The following SLC35F4 variants were observed in gnomAD, a reference collection of about 807,000 sequenced individuals.
SLC35F4 encodes the protein chromosome 14 open reading frame 36.
A neutral mutation model predicts 44.2 loss-of-function variants in SLC35F4; 24 were observed. The ratio of observed to expected loss-of-function variants is 0.54; its 90% CI spans 0.39 to 0.76. The LOEUF is 0.76. Among genes scored for constraint, SLC35F4 ranks in the 30% least tolerant of loss-of-function variants. The pLI, the probability that SLC35F4 is intolerant of heterozygous loss-of-function variation, is 0.00. For missense variants in SLC35F4, 562 were observed against 586.1 expected (o/e 0.96, Z 0.42); for synonymous variants, 238 against 223.6 (o/e 1.06, Z -0.57).
At chr14:57,772,432 T>C (rs915256364) in intron 1 of SLC35F4, among the ~76,000 whole-genome samples, 20 of 152,184 alleles carry the variant, frequency 1.3e-4, no homozygotes, top group Non-Finnish European at 2.4e-4. Flanking sequence ...ATGGGTATAT[T>C]GCATACTGGT....
intron 1 of SLC35F4, among the ~76,000 whole-genome samples, chr14:57,877,851 A>T (rs978634960): frequency 4.0e-5 from 6 of 151,168 alleles, no homozygotes; most frequent in Non-Finnish European, 8.9e-5. Flanking sequence ...TACCTGGCTA[A>T]TTTTTGTATT....
intron 1 of SLC35F4, among the ~76,000 whole-genome samples, chr14:57,724,790 A>G (rs761950476): frequency 1.3e-5 from 2 of 152,200 alleles, no homozygotes; most frequent in African/African-American, 2.4e-5. Flanking sequence ...CTGCAGCACT[A>G]CAGCCCCTTT....
intron 1 of SLC35F4, among the ~76,000 whole-genome samples, chr14:57,691,994 T>C (rs530851847): frequency 6.6e-6 from 1 of 152,242 alleles, no homozygotes; most frequent in South Asian, 2.1e-4. Context: ...GAGAATATAG[T>C]CTGATAGAAA....
At chr14:57,645,571 G>A (rs2073468266) in intron 1 of SLC35F4, among the ~76,000 whole-genome samples, 4 of 151,674 alleles carry the variant, frequency 2.6e-5, no homozygotes, top group Non-Finnish European at 4.4e-5. Context: ...TCTGCAAACA[G>A]GGACAATTTG....
At chr14:57,743,844 C>T (rs751429568) in intron 1 of SLC35F4, among the ~76,000 whole-genome samples, 3 of 152,122 alleles carry the variant, frequency 2.0e-5, no homozygotes, top group Admixed American at 6.5e-5. Flanking sequence ...ACTGGCAAAC[C>T]GAATCCAGCA....
intron 1 of SLC35F4, among the ~76,000 whole-genome samples, chr14:57,941,618 G>A (rs1393007510): frequency 6.6e-6 from 1 of 152,050 alleles, no homozygotes; most frequent in Non-Finnish European, 1.5e-5. Context: ...AGTAGAGGTA[G>A]TAGTTGTTCA....
At chr14:57,886,990 A>T (rs149837363) in intron 1 of SLC35F4, among the ~76,000 whole-genome samples, 3 of 152,058 alleles carry the variant, frequency 2.0e-5, no homozygotes, top group Non-Finnish European at 1.5e-5. Flanking sequence ...TCCATTTCCA[A>T]TGTCACTCTG....
intron 1 of SLC35F4, among the ~76,000 whole-genome samples, chr14:57,822,663 T>C (rs1339207155): frequency 6.6e-6 from 1 of 152,170 alleles, no homozygotes; most frequent in Admixed American, 6.5e-5. Context: ...AAGCAGTGGA[T>C]CTTCTGCCTT....
intron 1 of SLC35F4, among the ~76,000 whole-genome samples, chr14:57,719,875 T>C (rs951335512): frequency 4.6e-5 from 7 of 152,150 alleles, no homozygotes; most frequent in Non-Finnish European, 7.4e-5. Flanking sequence ...ACAGTAGGCA[T>C]CCTTGTGCTC....
intron 1 of SLC35F4, among the ~76,000 whole-genome samples, chr14:57,682,869 A>G (rs1386269216): frequency 6.6e-6 from 1 of 152,126 alleles, no homozygotes; most frequent in Admixed American, 6.6e-5. Flanking sequence ...ATATCTATTA[A>G]ATTAATGCAC....
chr14:57,664,400 T>A (rs1176889726), intron 1 of SLC35F4, among the ~76,000 whole-genome samples: 1 of 151,904 alleles, frequency 6.6e-6, no homozygotes, highest in Non-Finnish European at 1.5e-5. Context: ...TCCAGTTCTA[T>A]TTATTTATTT....
At chr14:57,623,673 G>C (rs993384110) in intron 1 of SLC35F4, among the ~76,000 whole-genome samples, 14 of 152,156 alleles carry the variant, frequency 9.2e-5, no homozygotes, top group African/African-American at 3.4e-4. Flanking sequence ...CAACTACATG[G>C]AAACTGAACA....
intron 1 of SLC35F4, among the ~76,000 whole-genome samples, chr14:57,955,146 A>G (rs903499568): frequency 2.0e-5 from 3 of 152,202 alleles, no homozygotes; most frequent in Non-Finnish European, 2.9e-5. Context: ...ACATACGGAA[A>G]TCAACAAACA....
chr14:57,975,488 C>CT (rs1881189039), downstream of SLC35F4, among the ~76,000 whole-genome samples: 1 of 152,218 alleles, frequency 6.6e-6, no homozygotes, highest in Non-Finnish European at 1.5e-5. Flanking sequence ...ATTGTTCTAA[C>CT]ACACTGCTGG....
At chr14:57,771,345 T>C (rs911565757) in intron 1 of SLC35F4, among the ~76,000 whole-genome samples, 1 of 152,138 alleles carries the variant, frequency 6.6e-6, no homozygotes, top group African/African-American at 2.4e-5. Context: ...CTTCCATCCA[T>C]AAGTGGGGCT....
rs1566915345 is a variant in SLC35F4 at position 57,865,844 on chromosome 14, G to C, written c.-19C>G. 1 of 1,483,292 alleles carries C rather than the reference G, an allele frequency of 6.7e-7. No homozygotes were observed. Among genetic ancestry groups the C allele is most frequent in the Non-Finnish European group, 8.9e-7 (1 of 1,118,050 alleles). 91.9% of individuals were successfully genotyped at this position (1,483,292 alleles called of 1,614,324 possible). A position where few individuals can be genotyped will look rare whatever the true frequency, so the allele number is the denominator to read the frequency against. On this transcript the variant is annotated 5_prime_UTR_variant, in exon 1 of 8. Coordinates refer to ENST00000556826, the MANE Select transcript of SLC35F4 (RefSeq NM_001306087.2). ...CATCCATAGAGAGCGCGGGGCGACG[G>C]CCCCGAGTGCGGCGGGGCGGAGAGC...
At chr14:57,949,891 A>G (rs1890104065) in intron 1 of SLC35F4, among the ~76,000 whole-genome samples, 1 of 152,152 alleles carries the variant, frequency 6.6e-6, no homozygotes, top group African/African-American at 2.4e-5. Context: ...CTGCTGAGAA[A>G]CCAGCTGTTA....
At chr14:57,781,236 T>C (rs2077613054) in intron 1 of SLC35F4, among the ~76,000 whole-genome samples, 11 of 151,754 alleles carry the variant, frequency 7.2e-5, no homozygotes, top group Admixed American at 7.2e-4. Context: ...AAACCCACTA[T>C]ATTAAAAAGT....
chr14:57,751,839 C>T (rs1258616053), intron 1 of SLC35F4, among the ~76,000 whole-genome samples: 1 of 152,064 alleles, frequency 6.6e-6, no homozygotes, highest in Non-Finnish European at 1.5e-5. Flanking sequence ...TTGGCCTTCA[C>T]TAAATTTTTA....
Sources: gnomAD v4.1 joint callset for allele counts (sites outside exome capture counted in the v4.1 genomes callset) on GRCh38, gnomAD v4.1.1 for gene constraint, MANE v1.5 for transcripts, NCBI Gene and HGNC (gene_info 2026-07-23, HGNC 2026-07-21) for gene names.